Variants in KCNQ5 observed in about 807,000 individuals in gnomAD.
KCNQ5 encodes potassium voltage-gated channel subfamily Q member 5.
KCNQ5 carries 30 observed loss-of-function variants against 98.2 expected under a neutral mutation model. That is an observed-to-expected ratio of 0.31 (90% CI 0.23 to 0.41). The LOEUF is 0.41. Among genes scored for constraint, KCNQ5 ranks in the 10% least tolerant of loss-of-function variants. The pLI, the probability that KCNQ5 is intolerant of heterozygous loss-of-function variation, is 1.00. For synonymous variants in KCNQ5, 458 were observed against 449.4 expected (o/e 1.02, Z -0.24); for missense variants, 835 against 1,182.5 (o/e 0.71, Z 4.31).
At chr6:73,062,506 A>G (rs567923896) in intron 3 of KCNQ5, among the ~76,000 whole-genome samples, 1 of 152,230 alleles carries the variant, frequency 6.6e-6, no homozygotes, top group South Asian at 2.1e-4. Flanking sequence ...GAGAAGCGTC[A>G]TCCCCCCGGC....
intron 2 of KCNQ5, among the ~76,000 whole-genome samples, chr6:73,031,236 G>T (rs1371209883): frequency 6.6e-6 from 1 of 152,162 alleles, no homozygotes; most frequent in African/African-American, 2.4e-5. Flanking sequence ...TCATTCAGTG[G>T]TAGAAACCAT....
intron 1 of KCNQ5, among the ~76,000 whole-genome samples, chr6:72,936,234 A>G (rs1765910212): frequency 6.6e-6 from 1 of 152,130 alleles, no homozygotes; most frequent in African/African-American, 2.4e-5. Context: ...GAAATAACCT[A>G]CCCACCTATT....
chr6:72,894,124 AAG>A (rs938416265), intron 1 of KCNQ5, among the ~76,000 whole-genome samples: 10 of 152,188 alleles, frequency 6.6e-5, no homozygotes, highest in African/African-American at 1.9e-4. Flanking sequence ...ACCATTCTGC[AAG>A]AGCAGCTTTT....
At chr6:73,175,394 C>CT (rs549961040) in intron 11 of KCNQ5, among the ~76,000 whole-genome samples, 2 of 101,916 alleles carry the variant, frequency 2.0e-5, no homozygotes, top group East Asian at 6.4e-4. Flanking sequence ...AGGTGATCTG[C>CT]CCCCCCCTTG....
intron 1 of KCNQ5, among the ~76,000 whole-genome samples, chr6:72,660,545 C>T (rs1488270465): frequency 1.3e-5 from 2 of 152,142 alleles, no homozygotes; most frequent in Non-Finnish European, 2.9e-5. Flanking sequence ...AAGTAGTTAG[C>T]AGTACACTGA....
intron 1 of KCNQ5, among the ~76,000 whole-genome samples, chr6:72,902,863 T>C (rs900397197): frequency 6.6e-6 from 1 of 152,170 alleles, no homozygotes; most frequent in Non-Finnish European, 1.5e-5. Context: ...CATAGAATGA[T>C]GTAGGGAGGA....
rs923065391 is a variant in KCNQ5 at position 73,190,083 on chromosome 6, A to G, written c.1578-490A>G. ...TATTCTGCAGGAATAATTTATGGGAAAAAAAAAACACAAATTTCCATATTA... is the reference window on the plus strand; with the variant it reads ...TATTCTGCAGGAATAATTTATGGGAGAAAAAAAACACAAATTTCCATATTA... On this transcript the variant is annotated intron_variant, in intron 11 of 13. Coordinates refer to ENST00000370398, the MANE Select transcript of KCNQ5 (RefSeq NM_019842.4). 3.0e-4 allele frequency among the ~76,000 whole-genome samples: 8 copies of G among 26,812 alleles called. No homozygotes were observed. The African/African-American group carries it at 0.01, about 34-fold the overall frequency. 17.6% of individuals were successfully genotyped at this position (26,812 alleles called of 152,430 possible). A position where few individuals can be genotyped will look rare whatever the true frequency, so the allele number is the denominator to read the frequency against.
intron 1 of KCNQ5, among the ~76,000 whole-genome samples, chr6:72,716,922 T>G (rs1489581954): frequency 3.9e-5 from 6 of 152,244 alleles, no homozygotes; most frequent in Non-Finnish European, 8.8e-5. Context: ...ATCCACACAA[T>G]GTTTATTAAA....
intron 10 of KCNQ5, among the ~76,000 whole-genome samples, chr6:73,152,162 T>C (rs1282725649): frequency 6.6e-6 from 1 of 152,156 alleles, no homozygotes; most frequent in Non-Finnish European, 1.5e-5. Flanking sequence ...TAAGAGCTTG[T>C]ATGTCTGGAA....
intron 1 of KCNQ5, among the ~76,000 whole-genome samples, chr6:72,838,424 A>G (rs1776610043): frequency 6.6e-6 from 1 of 152,180 alleles, no homozygotes; most frequent in Non-Finnish European, 1.5e-5. Flanking sequence ...TGTCTAATGT[A>G]TATAAAACAT....
intron 1 of KCNQ5, among the ~76,000 whole-genome samples, chr6:72,984,141 C>T (rs1768621148): frequency 6.6e-6 from 1 of 152,214 alleles, no homozygotes; most frequent in South Asian, 2.1e-4. Flanking sequence ...TGGGAGCTGT[C>T]TCCCAGTTAG....
At chr6:72,685,046 A>G (rs1767884212) in intron 1 of KCNQ5, among the ~76,000 whole-genome samples, 1 of 152,228 alleles carries the variant, frequency 6.6e-6, no homozygotes, top group South Asian at 2.1e-4. Context: ...AGCACAAATA[A>G]GCACACTGAA....
At position 73,108,104 on chromosome 6, in the gene KCNQ5, C is replaced by A. The variant is rs187235074; in HGVS notation, c.1029+2737C>A. Among the ~76,000 whole-genome samples, 321 of 152,266 alleles carry A rather than the reference C, an allele frequency of 2.1e-3. 2 individuals carry two copies. The highest frequency in any genetic ancestry group is 6.2e-3 in the African/African-American group (259 of 41,538). On this transcript the variant is annotated intron_variant, in intron 6 of 13. Transcript: ENST00000370398. Reference sequence around the variant, plus strand: ...ACCTGAGAACCAAGAAAGAAAAGAGCCTTTCTCCATCTTACCCTCAAAGCA... The same window carrying A: ...ACCTGAGAACCAAGAAAGAAAAGAGACTTTCTCCATCTTACCCTCAAAGCA...
chr6:73,056,215 C>G (rs1297709973), intron 3 of KCNQ5, among the ~76,000 whole-genome samples: 2 of 152,150 alleles, frequency 1.3e-5, no homozygotes, highest in African/African-American at 2.4e-5. Flanking sequence ...CTGTCTGCCC[C>G]CAGGAGCTAG....
intron 1 of KCNQ5, among the ~76,000 whole-genome samples, chr6:72,756,708 G>T (rs1771988394): frequency 6.6e-6 from 1 of 151,922 alleles, no homozygotes; most frequent in Non-Finnish European, 1.5e-5. Flanking sequence ...TTAACCTTGT[G>T]ATCAGCCTAA....
intron 10 of KCNQ5, chr6:73,157,575 C>G: frequency 1.3e-6 from 1 of 763,536 alleles, no homozygotes; most frequent in Non-Finnish European, 2.4e-6. Context: ...AGGGAACCAG[C>G]GCACCTGGCA....
intron 1 of KCNQ5, among the ~76,000 whole-genome samples, chr6:72,821,751 C>T (rs1344782755): frequency 6.6e-6 from 1 of 151,946 alleles, no homozygotes; most frequent in Non-Finnish European, 1.5e-5. Context: ...CTTGCCTGGA[C>T]TATTTTACTC....
intron 1 of KCNQ5, among the ~76,000 whole-genome samples, chr6:72,694,895 T>C (rs1768404237): frequency 6.6e-6 from 1 of 152,122 alleles, no homozygotes; most frequent in East Asian, 1.9e-4. Context: ...GTTGATGCCA[T>C]CTTTATGGCC....
chr6:73,035,850 C>A (rs779487008), intron 2 of KCNQ5, among the ~76,000 whole-genome samples: 1 of 152,040 alleles, frequency 6.6e-6, no homozygotes, highest in Non-Finnish European at 1.5e-5. Flanking sequence ...AGTAGACATA[C>A]CCTGTGTATA....
Sources: gnomAD v4.1 joint callset for allele counts (sites outside exome capture counted in the v4.1 genomes callset) on GRCh38, gnomAD v4.1.1 for gene constraint, MANE v1.5 for transcripts, NCBI Gene and HGNC (gene_info 2026-07-23, HGNC 2026-07-21) for gene names.